Variants in KCNMA1 observed in about 807,000 individuals in gnomAD.
The protein encoded by KCNMA1 is Calcium-activated potassium channel subunit alpha-1.
Under a neutral mutation model 140.0 loss-of-function variants are expected in KCNMA1, and 29 were observed. That is an observed-to-expected ratio of 0.21 (90% CI 0.15 to 0.28). The LOEUF (loss-of-function observed/expected upper bound fraction) is 0.28. Among genes scored for constraint, KCNMA1 ranks in the 10% least tolerant of loss-of-function variants. The pLI, the probability that KCNMA1 is intolerant of heterozygous loss-of-function variation, is 1.00. For synonymous variants in KCNMA1, 612 were observed against 611.9 expected (o/e 1.00, Z 0.00); for missense variants, 880 against 1,602.2 (o/e 0.55, Z 7.70).
chr10:77,328,681 C>T (rs1294209769), intron 2 of KCNMA1, among the ~76,000 whole-genome samples: 1 of 152,144 alleles, frequency 6.6e-6, no homozygotes, highest in Non-Finnish European at 1.5e-5. Flanking sequence ...TCTTCTGATG[C>T]AAATGGTATC....
intron 1 of KCNMA1, among the ~76,000 whole-genome samples, chr10:77,465,073 C>T (rs2097960444): frequency 6.6e-6 from 1 of 152,154 alleles, no homozygotes; most frequent in Non-Finnish European, 1.5e-5. Context: ...AAAACACACA[C>T]ACACTCGGTA....
At chr10:77,027,545 G>C (rs963103672) in intron 16 of KCNMA1, among the ~76,000 whole-genome samples, 2 of 152,142 alleles carry the variant, frequency 1.3e-5, no homozygotes, top group Non-Finnish European at 2.9e-5. Context: ...AGTCCAGGTC[G>C]GCATGATCAG....
At chr10:77,429,432 C>T (rs1327269980) in intron 1 of KCNMA1, among the ~76,000 whole-genome samples, 1 of 152,176 alleles carries the variant, frequency 6.6e-6, no homozygotes, top group African/African-American at 2.4e-5. Context: ...TAAAATGTCT[C>T]CCAACATGGC....
intron 2 of KCNMA1, among the ~76,000 whole-genome samples, chr10:77,392,158 G>GGGAGGGA (rs2095854465): frequency 7.7e-6 from 1 of 129,888 alleles, no homozygotes; most frequent in African/African-American, 3.0e-5. Context: ...GAGGGAGGAA[G>GGGAGGGA]GGAGGGAGGG....
At chr10:77,354,773 G>A (rs2093315035) in intron 2 of KCNMA1, among the ~76,000 whole-genome samples, 1 of 152,174 alleles carries the variant, frequency 6.6e-6, no homozygotes, top group South Asian at 2.1e-4. Flanking sequence ...GTAGTTCAGT[G>A]GCTGAATTAT....
chr10:76,928,417 A>T (rs904413581), intron 23 of KCNMA1, among the ~76,000 whole-genome samples: 9 of 152,104 alleles, frequency 5.9e-5, no homozygotes, highest in Non-Finnish European at 1.2e-4. Flanking sequence ...ATTGGAACTC[A>T]GACCCCGCCC....
chr10:77,302,517 G>T (rs927957382), intron 2 of KCNMA1, among the ~76,000 whole-genome samples: 4 of 151,914 alleles, frequency 2.6e-5, no homozygotes, highest in South Asian at 2.1e-4. Context: ...ATGACTGTTT[G>T]TTCAGCCCCC....
chr10:76,897,625 T>A (rs992957178), intron 25 of KCNMA1, among the ~76,000 whole-genome samples: 17 of 152,210 alleles, frequency 1.1e-4, no homozygotes, highest in African/African-American at 2.9e-4. Context: ...TCTTTAAAGA[T>A]AATTTTAAAC....
At chr10:77,066,051 C>T (rs1043673698) in intron 14 of KCNMA1, among the ~76,000 whole-genome samples, 5 of 152,188 alleles carry the variant, frequency 3.3e-5, no homozygotes, top group South Asian at 2.1e-4. Flanking sequence ...TTAGGACCTG[C>T]AGGCCATTGT....
At chr10:77,434,599 C>T (rs767433066) in intron 1 of KCNMA1, among the ~76,000 whole-genome samples, 2 of 152,156 alleles carry the variant, frequency 1.3e-5, no homozygotes, top group African/African-American at 2.4e-5. Flanking sequence ...CGACAGGACC[C>T]CCGAACCCAG....
At chr10:77,038,460 C>A (rs1041701087) in intron 15 of KCNMA1, among the ~76,000 whole-genome samples, 22 of 152,292 alleles carry the variant, frequency 1.4e-4, no homozygotes, top group African/African-American at 5.1e-4. Context: ...GGAGAATAGG[C>A]TTAATGTTTC....
chr10:76,922,131 T>C (rs997346022), intron 23 of KCNMA1, among the ~76,000 whole-genome samples: 1 of 152,178 alleles, frequency 6.6e-6, no homozygotes, highest in Non-Finnish European at 1.5e-5. Context: ...AAACAGATAA[T>C]TCTGTGACTC....
At chr10:77,127,815 A>C (rs1260512776) in intron 5 of KCNMA1, among the ~76,000 whole-genome samples, 3 of 152,046 alleles carry the variant, frequency 2.0e-5, no homozygotes. Context: ...TCTACCAAAA[A>C]TACAAAAAAT....
intron 19 of KCNMA1, among the ~76,000 whole-genome samples, chr10:76,975,811 G>C (rs1766614465): frequency 6.6e-6 from 1 of 152,100 alleles, no homozygotes; most frequent in Admixed American, 6.5e-5. Context: ...AAAGATCGTG[G>C]CTAATATTTT....
chr10:77,557,954 G>A (rs188623796), intron 1 of KCNMA1, among the ~76,000 whole-genome samples: 8 of 152,112 alleles, frequency 5.3e-5, no homozygotes, highest in Admixed American at 5.2e-4. Context: ...ATCCCAGAAT[G>A]GAATTATAGA....
rs116986554 is a variant in KCNMA1 at position 77,446,690 on chromosome 10, A to T, written c.379-42667T>A. Among the ~76,000 whole-genome samples, 167 of 152,304 alleles carry T rather than the reference A, an allele frequency of 1.1e-3. 3 individuals are homozygous for T. The East Asian group carries it at 0.03, about 27-fold the overall frequency. On this transcript the variant is annotated intron_variant, in intron 1 of 27. Coordinates refer to ENST00000286628, the MANE Select transcript of KCNMA1 (RefSeq NM_001161352.2). ...CTTGGGAAGACACATCCCTAAGTTG[A>T]CCTGACTTCCTTAGAGTGGGCAGGA...
Position 77,041,161 on chromosome 10 carries a change from T to TCACCATGTTGGCCAGACTGATC in KCNMA1, c.1750-1525_1750-1524insGATCAGTCTGGCCAACATGGTG, listed in dbSNP as rs1565721651. Among the ~76,000 whole-genome samples, 10 of 2,944 alleles carry TCACCATGTTGGCCAGACTGATC rather than the reference T, an allele frequency of 3.4e-3. 1 individual carries two copies. The highest frequency in any genetic ancestry group is 0.012 in the South Asian group (2 of 162). The allele number at this position is 2,944 out of a possible 152,430, so 1.9% of individuals were successfully genotyped here. On this transcript the variant is annotated intron_variant, in intron 14 of 27. Coordinates refer to ENST00000286628, the MANE Select transcript of KCNMA1 (RefSeq NM_001161352.2). ...CATGCCTGGCTAATTCTTTTTTTTTTTTTTTTTTTTTTTTTTTTTTTGAGA... is the reference window on the plus strand; with the variant it reads ...CATGCCTGGCTAATTCTTTTTTTTTTCACCATGTTGGCCAGACTGATCTTTTTTTTTTTTTTTTTTTTTGAGA...
At chr10:77,051,153 C>T (rs2095348152) in intron 14 of KCNMA1, among the ~76,000 whole-genome samples, 1 of 152,150 alleles carries the variant, frequency 6.6e-6, no homozygotes, top group African/African-American at 2.4e-5. Context: ...TTTTAGGACA[C>T]AGTATTGAGT....
chr10:77,631,571 A>G (rs1482476979), intron 1 of KCNMA1, among the ~76,000 whole-genome samples: 1 of 152,170 alleles, frequency 6.6e-6, no homozygotes, highest in Non-Finnish European at 1.5e-5. Flanking sequence ...TTTGGGAAGG[A>G]GGTCCTGGCA....
Sources: allele counts gnomAD v4.1 joint callset (sites outside exome capture counted in the v4.1 genomes callset), GRCh38; gene constraint gnomAD v4.1.1; transcripts MANE v1.5; gene names NCBI Gene and HGNC (gene_info 2026-07-23, HGNC 2026-07-21).